RPS6KA5: variants seen among roughly 807,000 people sequenced by gnomAD.
The protein encoded by RPS6KA5 is ribosomal protein S6 kinase A5.
RPS6KA5 carries 27 observed loss-of-function variants against 85.5 expected under a neutral mutation model. The ratio of observed to expected loss-of-function variants is 0.32; its 90% CI spans 0.23 to 0.44. The LOEUF (loss-of-function observed/expected upper bound fraction) is 0.44, where lower values mean the gene tolerates loss of function less well. RPS6KA5 is among the 20% of genes least tolerant of loss of function. The probability of loss-of-function intolerance (pLI) is 1.00; values close to 1 mark genes in which losing one functional copy is unlikely to be tolerated. For synonymous variants in RPS6KA5, 334 were observed against 348.2 expected (o/e 0.96, Z 0.46); for missense variants, 811 against 980.9 (o/e 0.83, Z 2.31).
At chr14:90,940,691 C>T (rs114981972) in intron 5 of RPS6KA5, among the ~76,000 whole-genome samples, 1 of 152,142 alleles carries the variant, frequency 6.6e-6, no homozygotes, top group East Asian at 1.9e-4. Flanking sequence ...GGGCCCCTAA[C>T]CCCCAGGCCA....
rs777377925 is a variant in RPS6KA5, at chr14:91,016,338, G to A, written c.104-15179C>T. On this transcript the variant is annotated intron_variant, in intron 1 of 16. Coordinates refer to ENST00000614987, the MANE Select transcript of RPS6KA5 (RefSeq NM_004755.4). Reference sequence around the variant, plus strand: ...AGATCCTCCTGCCTCAGCCTCCCAAGTGGTCAATTAATTTTTTTAATTTTA... The same window carrying A: ...AGATCCTCCTGCCTCAGCCTCCCAAATGGTCAATTAATTTTTTTAATTTTA... Among the ~76,000 whole-genome samples, 10 of 151,988 alleles carry A rather than the reference G, an allele frequency of 6.6e-5. 1 individual carries two copies. Among genetic ancestry groups the A allele is most frequent in the Admixed American group, 5.2e-4 (8 of 15,262 alleles).
At chr14:90,952,023 T>C (rs992883414) in intron 3 of RPS6KA5, among the ~76,000 whole-genome samples, 3 of 152,182 alleles carry the variant, frequency 2.0e-5, no homozygotes, top group Non-Finnish European at 4.4e-5. Context: ...ATGATAATTC[T>C]TCTCAACCCA....
chr14:90,942,523 CTAAT>C (rs906290740), intron 5 of RPS6KA5, among the ~76,000 whole-genome samples: 7 of 152,154 alleles, frequency 4.6e-5, no homozygotes, highest in Admixed American at 6.5e-5. Flanking sequence ...TAAACAAATT[CTAAT>C]TAATACTGAA....
chr14:90,896,745 G>A (rs2034856430), intron 12 of RPS6KA5, among the ~76,000 whole-genome samples: 1 of 151,984 alleles, frequency 6.6e-6, no homozygotes, highest in African/African-American at 2.4e-5. Flanking sequence ...TTTTGAGACA[G>A]GGTCTCACTC....
At chr14:90,948,462 CGAGGCAGGCGGATCACGAG>C (rs1429051977) in intron 3 of RPS6KA5, among the ~76,000 whole-genome samples, 2 of 152,000 alleles carry the variant, frequency 1.3e-5, no homozygotes, top group Non-Finnish European at 2.9e-5. Context: ...TTTGGGAGGC[CGAGGCAGGCGGATCACGAG>C]GTCAGGAGAT....
chr14:90,853,209 A>T lies in RPS6KA5; in HGVS notation c.*18865T>A, dbSNP rs2032097948. 1 of 152,158 alleles carries T rather than the reference A, an allele frequency of 6.6e-6. No homozygotes were observed. Among genetic ancestry groups the T allele is most frequent in the African/African-American group, 2.4e-5 (1 of 41,432 alleles). The allele number at this position is 152,158 out of a possible 1,614,324, so 9.4% of individuals were successfully genotyped here. ...ACATAGGCTTTGAAAAATTCCTCTAAATGAAACAACTTTATAAGGGATGAA... is the reference window on the plus strand; with the variant it reads ...ACATAGGCTTTGAAAAATTCCTCTATATGAAACAACTTTATAAGGGATGAA... On this transcript the variant is annotated 3_prime_UTR_variant, in exon 17 of 17. Transcript: ENST00000614987.
At chr14:91,008,167 C>T (rs2041110383) in intron 1 of RPS6KA5, among the ~76,000 whole-genome samples, 1 of 152,206 alleles carries the variant, frequency 6.6e-6, no homozygotes, top group Non-Finnish European at 1.5e-5. Flanking sequence ...TGTAATTGCA[C>T]AGAGCATGTG....
chr14:90,873,567 A>G, intron 16 of RPS6KA5, 65 bp downstream of exon 16: 1 of 1,397,618 alleles, frequency 7.2e-7, no homozygotes. Flanking sequence ...GAGGCTACAG[A>G]GTAAGAACAT....
At position 90,850,463 on chromosome 14, in the gene RPS6KA5, C is replaced by CAAAAAAA. The variant is rs5810522; in HGVS notation, c.*21604_*21610dup. On this transcript the variant is annotated 3_prime_UTR_variant, in exon 17 of 17. Transcript: ENST00000614987. Reference sequence around the variant, plus strand: ...AACCTAATCAATGTGGGAAACCATACAAAAAAAAAAAAAAAAAACAGAAAA... The same window carrying CAAAAAAA: ...AACCTAATCAATGTGGGAAACCATACAAAAAAAAAAAAAAAAAAAAAAAAACAGAAAA... The CAAAAAAA allele has an allele frequency of 1.7e-4, 22 of 129,034 alleles. No homozygotes were observed. The highest frequency in any genetic ancestry group is 5.1e-4 in the African/African-American group (18 of 35,380). 8.0% of individuals were successfully genotyped at this position (129,034 alleles called of 1,614,324 possible). A position where few individuals can be genotyped will look rare whatever the true frequency, so the allele number is the denominator to read the frequency against.
intron 7 of RPS6KA5, among the ~76,000 whole-genome samples, chr14:90,909,493 T>TA (rs2035685574): frequency 6.6e-6 from 1 of 152,210 alleles, no homozygotes; most frequent in Non-Finnish European, 1.5e-5. Context: ...CTGCTATTTT[T>TA]ATCCTTCTTT....
At chr14:91,044,279 AAGAG>A (rs1034001844) in intron 1 of RPS6KA5, among the ~76,000 whole-genome samples, 3 of 12,218 alleles carry the variant, frequency 2.5e-4, no homozygotes, top group Non-Finnish European at 4.1e-4. Flanking sequence ...GAGAGAAAGA[AAGAG>A]AGAGAGAGAG....
chr14:91,001,145 G>T lies in RPS6KA5; in HGVS notation c.118C>A (p.His40Asn), dbSNP rs1595445043. Residue 40 changes from histidine (H) to asparagine (N), a missense_variant, in exon 2 of 17, where the codon CAT becomes AAT. Transcript: ENST00000614987. ...HELRTANLTG[H>N]AEKVGIENFE... ...TTTTCTATTCCCACCTTCTCAGCAT[G>T]TCCTGTCAAATTAGCTAAAAGAAAA... 1.9e-6 allele frequency: 3 copies of T among 1,594,162 alleles called. No homozygotes were observed. The highest frequency in any genetic ancestry group is 1.7e-5 in the Admixed American group (1 of 57,666).
chr14:90,918,459 T>G (rs762417775), intron 7 of RPS6KA5, among the ~76,000 whole-genome samples: 1 of 152,226 alleles, frequency 6.6e-6, no homozygotes, highest in African/African-American at 2.4e-5. Flanking sequence ...TAAAATTTTA[T>G]CCCAGTCTGT....
In RPS6KA5 at chr14:90,991,216, A is replaced by G. The variant is rs144418166; in HGVS notation, c.175+9872T>C. Among the ~76,000 whole-genome samples, 21 of 152,354 alleles carry G rather than the reference A, an allele frequency of 1.4e-4. No individual in the cohort carries two copies. The East Asian group carries it at 2.5e-3, about 18-fold the overall frequency. ...ATTTTAGCAAGACTGTATATTACGT[A>G]TAACAGCATATGATATTAAAATGCA... is the stretch of plus-strand genomic sequence containing the variant. On this transcript the variant is annotated intron_variant, in intron 2 of 16. Transcript: ENST00000614987.
chr14:91,014,209 G>C (rs547679045), intron 1 of RPS6KA5, among the ~76,000 whole-genome samples: 1 of 152,172 alleles, frequency 6.6e-6, no homozygotes, highest in African/African-American at 2.4e-5. Flanking sequence ...TTTAAAACAT[G>C]AGTATTATAA....
At chr14:91,009,961 C>T (rs757649492) in intron 1 of RPS6KA5, among the ~76,000 whole-genome samples, 1 of 150,552 alleles carries the variant, frequency 6.6e-6, no homozygotes, top group Non-Finnish European at 1.5e-5. Context: ...AAAGAAGTAT[C>T]AATGCAGTCA....
intron 1 of RPS6KA5, among the ~76,000 whole-genome samples, chr14:91,051,848 T>C (rs1312530529): frequency 1.3e-5 from 2 of 151,628 alleles, no homozygotes; most frequent in African/African-American, 2.4e-5. Flanking sequence ...GAAGAGAACT[T>C]TGTCAACCTG....
At chr14:90,999,012 G>A (rs2040657313) in intron 2 of RPS6KA5, among the ~76,000 whole-genome samples, 1 of 152,118 alleles carries the variant, frequency 6.6e-6, no homozygotes, top group South Asian at 2.1e-4. Context: ...GGTGGATCAC[G>A]AGGTCAGGAG....
At chr14:90,938,641 G>A (rs2037410032) in intron 5 of RPS6KA5, among the ~76,000 whole-genome samples, 1 of 152,222 alleles carries the variant, frequency 6.6e-6, no homozygotes, top group Non-Finnish European at 1.5e-5. Flanking sequence ...TGTACCCACA[G>A]GCTCACTACC....
Sources: allele counts gnomAD v4.1 joint callset (sites outside exome capture counted in the v4.1 genomes callset), GRCh38; gene constraint gnomAD v4.1.1; transcripts MANE v1.5; gene names NCBI Gene and HGNC (gene_info 2026-07-23, HGNC 2026-07-21).